The following ACMSD variants were observed in gnomAD, a reference collection of about 807,000 sequenced individuals.
ACMSD encodes the protein 2-amino-3-carboxymuconate-6-semialdehyde decarboxylase.
Under a neutral mutation model 45.9 loss-of-function variants are expected in ACMSD, and 37 were observed. The observed-to-expected ratio is 0.81, with a 90% CI of 0.62 to 1.06. ACMSD has a LOEUF of 1.06. ACMSD is among the 50% of genes least tolerant of loss of function. The pLI, the probability that ACMSD is intolerant of heterozygous loss-of-function variation, is 0.00. For missense variants in ACMSD, 434 were observed against 420.9 expected (o/e 1.03, Z -0.27); for synonymous variants, 138 against 148.8 (o/e 0.93, Z 0.53).
intron 1 of ACMSD, 54 bp downstream of exon 1, chr2:134,838,793 A>G: frequency 1.4e-6 from 2 of 1,392,678 alleles, no homozygotes; most frequent in Admixed American, 3.4e-5. Flanking sequence ...GGGTTTCTCA[A>G]TGCCTTTCTC....
chr2:134,879,593 C>G (rs779868316), intron 8 of ACMSD, among the ~76,000 whole-genome samples: 13 of 152,138 alleles, frequency 8.5e-5, no homozygotes, highest in Admixed American at 2.6e-4. Flanking sequence ...ATTCAGGAAC[C>G]CTCTGGCTTG....
In ACMSD at chr2:134,871,061, G is replaced by T. The variant is rs1270146379; in HGVS notation, c.676+1G>T. On this transcript the variant is annotated splice_donor_variant, in intron 7 of 9. Transcript: ENST00000356140. LOFTEE classifies it high-confidence loss of function. ...CTGAAAGTGTGTTTCGCACATGGTGGTAAGACCCTATCTTTATTAGTCAGC... is the reference window on the plus strand; with the variant it reads ...CTGAAAGTGTGTTTCGCACATGGTGTTAAGACCCTATCTTTATTAGTCAGC... 1 of 1,613,158 alleles carries T rather than the reference G, an allele frequency of 6.2e-7. No individual in the cohort carries two copies. Among genetic ancestry groups the T allele is most frequent in the East Asian group, 2.2e-5 (1 of 44,880 alleles).
rs144703341 is a variant in ACMSD at position 134,872,069 on chromosome 2, G to A, written c.677-400G>A. Among the ~76,000 whole-genome samples the A allele has an allele frequency of 1.1e-3, 171 of 150,998 alleles. 5 individuals are homozygous for A. The Middle Eastern group carries it at 0.041, about 37-fold the overall frequency. On this transcript the variant is annotated intron_variant, in intron 7 of 9. Transcript: ENST00000356140. ...CCTCCCAGGTTCAAGCGATTCTCCT[G>A]TCTCAGCCTCCTGAGTAGCCATGGC...
At chr2:134,853,378 G>C (rs1396710802) in intron 2 of ACMSD, among the ~76,000 whole-genome samples, 1 of 151,846 alleles carries the variant, frequency 6.6e-6, no homozygotes, top group East Asian at 1.9e-4. Flanking sequence ...TGTATTTAAA[G>C]TGTGTTATCT....
intron 4 of ACMSD, among the ~76,000 whole-genome samples, chr2:134,862,771 T>C (rs776652965): frequency 2.0e-5 from 3 of 152,172 alleles, no homozygotes; most frequent in Non-Finnish European, 2.9e-5. Context: ...ATTAGACAAC[T>C]GAGGCTGCAG....
At chr2:134,870,816 A>G in intron 6 of ACMSD, 149 bp from the exon 7 acceptor site, 1 of 536,042 alleles carries the variant, frequency 1.9e-6, no homozygotes, top group South Asian at 3.3e-5. Flanking sequence ...CTCCTTGCCA[A>G]AGTAATGTCC....
chr2:134,856,641 C>A (rs1185970311), intron 2 of ACMSD, among the ~76,000 whole-genome samples: 2 of 152,104 alleles, frequency 1.3e-5, no homozygotes, highest in African/African-American at 2.4e-5. Flanking sequence ...TGAGAAATGT[C>A]TTTTCAGGTC....
intron 3 of ACMSD, 106 bp from the exon 4 acceptor site, chr2:134,861,863 A>C (rs1271149865): frequency 1.7e-6 from 2 of 1,166,598 alleles, no homozygotes; most frequent in East Asian, 4.7e-5. Flanking sequence ...GAGGGAGAGC[A>C]GGAGGAGTTT....
intron 8 of ACMSD, among the ~76,000 whole-genome samples, chr2:134,881,278 G>A (rs1448590928): frequency 2.0e-5 from 3 of 152,240 alleles, no homozygotes; most frequent in Admixed American, 6.5e-5. Context: ...CGGGATTACA[G>A]GCATGTGCCA....
chr2:134,885,278 TTA>T (rs1689278801), intron 8 of ACMSD, among the ~76,000 whole-genome samples: 1 of 53,732 alleles, frequency 1.9e-5, no homozygotes, highest in Non-Finnish European at 2.8e-5. Context: ...AATATATATA[TTA>T]TATATTATAT....
At chr2:134,847,401 T>G (rs1015909826) in intron 2 of ACMSD, among the ~76,000 whole-genome samples, 1 of 45,084 alleles carries the variant, frequency 2.2e-5, no homozygotes. Context: ...GGGATACAGA[T>G]AGATAGATAG....
intron 4 of ACMSD, 130 bp downstream of exon 4, chr2:134,862,148 C>A: frequency 2.1e-6 from 2 of 970,728 alleles, no homozygotes; most frequent in South Asian, 1.3e-5. Flanking sequence ...TCCCCTTTAG[C>A]GATCAGCAGG....
chr2:134,863,028 C>A (rs1164085397), intron 4 of ACMSD: 1 of 984,696 alleles, frequency 1.0e-6, no homozygotes, highest in African/African-American at 1.8e-5. Context: ...GGCCTGGGGC[C>A]CTTGGCCAGG....
chr2:134,880,786 T>C (rs1179007238), intron 8 of ACMSD, among the ~76,000 whole-genome samples: 2 of 152,216 alleles, frequency 1.3e-5, no homozygotes, highest in Non-Finnish European at 2.9e-5. Flanking sequence ...TTTGAGCATG[T>C]ACAATGTTTT....
chr2:134,853,092 G>A (rs574290418), intron 2 of ACMSD, among the ~76,000 whole-genome samples: 2 of 151,282 alleles, frequency 1.3e-5, no homozygotes, highest in African/African-American at 4.9e-5. Context: ...GAACCCAGGA[G>A]GCGGAGATTG....
intron 1 of ACMSD, among the ~76,000 whole-genome samples, chr2:134,839,015 G>A (rs1182063993): frequency 6.6e-6 from 1 of 152,126 alleles, no homozygotes; most frequent in East Asian, 1.9e-4. Flanking sequence ...AAATAAGGCA[G>A]ATTTACCTTT....
chr2:134,898,825 T>C (rs1192037001), intron 9 of ACMSD, among the ~76,000 whole-genome samples: 2 of 152,166 alleles, frequency 1.3e-5, no homozygotes, highest in African/African-American at 4.8e-5. Context: ...AAGTCTTGAT[T>C]AAAAGGATCC....
At chr2:134,885,279 T>C (rs1241463584) in intron 8 of ACMSD, among the ~76,000 whole-genome samples, 3 of 63,588 alleles carry the variant, frequency 4.7e-5, no homozygotes, top group South Asian at 1.3e-3. Context: ...ATATATATAT[T>C]ATATATTATA....
rs933947707 is a variant in ACMSD, at chr2:134,840,192, A to C, written c.57+1453A>C. ...CAAAAAAAAAAAAAAAAAAAAAAAA[A>C]ACCACTAATTCCTCTGTTACAGCTT... On this transcript the variant is annotated intron_variant, in intron 1 of 9. Transcript: ENST00000356140. 1.9e-3 allele frequency among the ~76,000 whole-genome samples: 235 copies of C among 121,566 alleles called. 22 individuals carry two copies. Among genetic ancestry groups the C allele is most frequent in the African/African-American group, 7.1e-3 (228 of 31,980 alleles). The allele number at this position is 121,566 out of a possible 152,430, so 79.8% of individuals were successfully genotyped here.
Sources: gnomAD v4.1 joint callset for allele counts (sites outside exome capture counted in the v4.1 genomes callset) on GRCh38, gnomAD v4.1.1 for gene constraint, MANE v1.5 for transcripts, NCBI Gene and HGNC (gene_info 2026-07-23, HGNC 2026-07-21) for gene names.